Variants in SPATA6L observed in about 807,000 individuals in gnomAD.
The protein encoded by SPATA6L is spermatogenesis associated 6 like.
In SPATA6L, 68 loss-of-function variants were observed where a neutral mutation model predicts 49.2. The observed-to-expected ratio is 1.38, with a 90% CI of 1.14 to 1.69. The LOEUF (loss-of-function observed/expected upper bound fraction) is 1.69. SPATA6L is among the 40% of genes most tolerant of loss of function. The pLI is 0.00. For synonymous variants in SPATA6L, 198 were observed against 165.7 expected, an observed-to-expected ratio of 1.19 and a Z score of -1.50; for missense variants, 668 against 464.3, an observed-to-expected ratio of 1.44 and a Z score of -4.03.
intron 3 of SPATA6L, among the ~76,000 whole-genome samples, chr9:4,648,777 C>T (rs992491093): frequency 2.6e-5 from 4 of 152,114 alleles, no homozygotes; most frequent in Non-Finnish European, 4.4e-5. Context: ...ACCCATCACC[C>T]GAGCAGTACA....
intron 3 of SPATA6L, chr9:4,646,288 C>T (rs887121454): frequency 1.2e-4 from 44 of 379,088 alleles, no homozygotes; most frequent in African/African-American, 8.1e-4. Flanking sequence ...CCATGAAACA[C>T]CATAAAGTTA....
At chr9:4,606,251 G>C (rs112648498) in intron 9 of SPATA6L, among the ~76,000 whole-genome samples, 33 of 140,670 alleles carry the variant, frequency 2.3e-4, no homozygotes, top group Non-Finnish European at 4.5e-4. Context: ...CAGGCTTGCT[G>C]AGGTAAACAA....
rs371310159 is a variant in SPATA6L at position 4,606,553 on chromosome 9, G to C, written c.996-1113C>G. On this transcript the variant is annotated intron_variant, in intron 9 of 11. Coordinates refer to ENST00000682582, the MANE Select transcript of SPATA6L (RefSeq NM_001353486.2). ...GCAGGGGCACACTGACACCTCACAC[G>C]GCCGGGTACTCCAACAGACCTGCAG... Among the ~76,000 whole-genome samples, 88 of 36,566 alleles carry C rather than the reference G, an allele frequency of 2.4e-3. 6 individuals are homozygous for C. Among genetic ancestry groups the C allele is most frequent in the East Asian group, 0.018 (35 of 1,918 alleles). The allele number at this position is 36,566 out of a possible 152,430, so 24.0% of individuals were successfully genotyped here.
At chr9:4,665,715 G>A (rs1005753230) in intron 1 of SPATA6L, among the ~76,000 whole-genome samples, 4 of 152,180 alleles carry the variant, frequency 2.6e-5, no homozygotes, top group African/African-American at 9.7e-5. Context: ...TGGTAATTAC[G>A]AAATAGTGAT....
At chr9:4,589,600 G>A (rs113953961) in intron 13 of SPATA6L, among the ~76,000 whole-genome samples, 3 of 152,282 alleles carry the variant, frequency 2.0e-5, no homozygotes, top group East Asian at 3.9e-4. Flanking sequence ...ATAAGTGTTC[G>A]CAGTCCTTTC....
intron 3 of SPATA6L, chr9:4,646,515 C>A (rs1321758459): frequency 2.0e-6 from 3 of 1,510,096 alleles, no homozygotes; most frequent in East Asian, 5.1e-5. Context: ...TTAATTCAAA[C>A]CTGGCTAGGA....
At chr9:4,621,039 C>T (rs1187659301) in intron 7 of SPATA6L, among the ~76,000 whole-genome samples, 1 of 152,218 alleles carries the variant, frequency 6.6e-6, no homozygotes, top group Non-Finnish European at 1.5e-5. Context: ...CCATAAGAGA[C>T]TTAAAAGTAG....
In SPATA6L at chr9:4,662,156, T is replaced by C; in HGVS notation, c.40-120A>G. On this transcript the variant is annotated intron_variant, in intron 1 of 11. Transcript: ENST00000682582. The surrounding 1 kb of genome is among the most constrained non-coding windows in gnomAD (Gnocchi z 4.9). ...ACTGACATTTTCCCCATCACCTCACTCCCTCACCTGTACCTCCCAACGCCA... is the reference window on the plus strand; with the variant it reads ...ACTGACATTTTCCCCATCACCTCACCCCCTCACCTGTACCTCCCAACGCCA... 6.8e-7 allele frequency: 1 copy of C among 1,473,922 alleles called. No individual in the cohort carries two copies. The highest frequency in any genetic ancestry group is 9.0e-7 in the Non-Finnish European group (1 of 1,113,872). The allele number at this position is 1,473,922 out of a possible 1,614,324, so 91.3% of individuals were successfully genotyped here.
intron 3 of SPATA6L, among the ~76,000 whole-genome samples, chr9:4,636,062 C>G (rs1443292888): frequency 3.9e-5 from 6 of 151,992 alleles, no homozygotes; most frequent in Admixed American, 3.9e-4. Flanking sequence ...ACTTAACTAA[C>G]TATGTAACTG....
In SPATA6L at chr9:4,618,014, C is replaced by T. The variant is rs184466780; in HGVS notation, c.904G>A (p.Gly302Arg). The change falls in exon 9 of 12, where the codon GGG becomes AGG. Residue 302 changes from glycine (G) to arginine (R), a missense_variant. Physicochemically the swap from Gly to Arg is moderately radical, Grantham distance 125. Coordinates refer to ENST00000682582, the MANE Select transcript of SPATA6L (RefSeq NM_001353486.2). ...QFGKSSSSKQ[G>R]DADFHGKASF... ...GCTTTCCCGTGGAAATCAGCATCCC[C>T]TTGTTTACTGGATGAAGACTTTCCA... The T allele has an allele frequency of 1.2e-3, 1,982 of 1,614,066 alleles. 7 individuals are homozygous for T. The highest frequency in any genetic ancestry group is 5.6e-3 in the Middle Eastern group (34 of 6,062).
chr9:4,653,462 A>ATGAC (rs1837370395), intron 3 of SPATA6L, among the ~76,000 whole-genome samples: 1 of 152,260 alleles, frequency 6.6e-6, no homozygotes, highest in African/African-American at 2.4e-5. Context: ...TTTCTTAGAT[A>ATGAC]TGACACCAAA....
chr9:4,663,386 GGTGTCCC>G, intron 1 of SPATA6L: 1 of 1,010,044 alleles, frequency 9.9e-7, no homozygotes, highest in South Asian at 1.5e-5. Context: ...TGGGATTTCA[GGTGTCCC>G]ATGATCTTGA....
chr9:4,658,950 C>CA lies in SPATA6L; in HGVS notation c.178-2862dup, dbSNP rs34665368. ...AGGTGACAGAGCAACACTCTGTCTC[C>CA]AAAAAAAAAAAAAAAAAAGGCTTCT... On this transcript the variant is annotated intron_variant, in intron 2 of 11. Coordinates refer to ENST00000682582, the MANE Select transcript of SPATA6L (RefSeq NM_001353486.2). Among the ~76,000 whole-genome samples the CA allele has an allele frequency of 2.8e-3, 262 of 94,416 alleles. 1 individual carries two copies. Among genetic ancestry groups the CA allele is most frequent in the South Asian group, 5.7e-3 (16 of 2,814 alleles). 61.9% of individuals were successfully genotyped at this position (94,416 alleles called of 152,430 possible).
chr9:4,644,948 G>A (rs978488050), intron 3 of SPATA6L, among the ~76,000 whole-genome samples: 2 of 152,098 alleles, frequency 1.3e-5, no homozygotes, highest in Non-Finnish European at 2.9e-5. Flanking sequence ...ACTACTAAAT[G>A]TTTTAGGCTT....
intron 10 of SPATA6L, among the ~76,000 whole-genome samples, chr9:4,605,023 T>G (rs3739641): frequency 0.097 from 14,697 of 152,176 alleles, 1,021 homozygotes; most frequent in East Asian, 0.31. Flanking sequence ...AAAGGAATGC[T>G]CTGTGGGCCA....
rs75992030 is a variant in SPATA6L at position 4,614,717 on chromosome 9, T to C, written c.995+3206A>G. On this transcript the variant is annotated intron_variant, in intron 9 of 11. Coordinates refer to ENST00000682582, the MANE Select transcript of SPATA6L (RefSeq NM_001353486.2). ...TTTGGTACTGAAACCAGGACAGCCA[T>C]GGGCAAACTGGATGGCCTTTCTGTG... 5.5e-3 allele frequency among the ~76,000 whole-genome samples: 838 copies of C among 152,326 alleles called. 12 individuals carry two copies. Among genetic ancestry groups the C allele is most frequent in the African/African-American group, 0.019 (802 of 41,560 alleles).
chr9:4,640,525 TG>T (rs1246956885), intron 3 of SPATA6L, among the ~76,000 whole-genome samples: 1 of 151,778 alleles, frequency 6.6e-6, no homozygotes, highest in African/African-American at 2.4e-5. Flanking sequence ...AACCCAAATA[TG>T]GCCCATGTGA....
At position 4,618,068 on chromosome 9, in the gene SPATA6L, A is replaced by G; in HGVS notation, c.850T>C (p.Ser284Pro). The change falls in exon 9 of 12, where the codon TCA becomes CCA. Residue 284 changes from serine to proline, a missense_variant. Coordinates refer to ENST00000682582, the MANE Select transcript of SPATA6L (RefSeq NM_001353486.2). ...TGACTTGAATCTAAACATGATGATG[A>G]GTCACTCCTTAAAACAATCCGTTCA... ...PDERIVLRSD[S>P]SSCLDSSQFG... 1 of 1,613,886 alleles carries G rather than the reference A, an allele frequency of 6.2e-7. No homozygotes were observed. The highest frequency in any genetic ancestry group is 1.7e-5 in the Admixed American group (1 of 59,968).
intron 9 of SPATA6L, among the ~76,000 whole-genome samples, chr9:4,606,016 G>A (rs1427865065): frequency 6.6e-6 from 1 of 152,084 alleles, no homozygotes; most frequent in Non-Finnish European, 1.5e-5. Context: ...AAGGGGTCAG[G>A]CAGTTCCCTT....
Sources: allele counts gnomAD v4.1 joint callset (sites outside exome capture counted in the v4.1 genomes callset), GRCh38; gene constraint gnomAD v4.1.1; non-coding constraint Gnocchi (gnomAD v3.1); transcripts MANE v1.5; gene names NCBI Gene and HGNC (gene_info 2026-07-23, HGNC 2026-07-21).